CNTN5: variants seen among roughly 807,000 people sequenced by gnomAD.
The protein encoded by CNTN5 is contactin-5.
Under a neutral mutation model 129.1 loss-of-function variants are expected in CNTN5, and 77 were observed. That is an observed-to-expected ratio of 0.60 (90% CI 0.50 to 0.72). The LOEUF is 0.72. Among genes scored for constraint, CNTN5 ranks in the 30% least tolerant of loss-of-function variants. The probability of loss-of-function intolerance (pLI) is 0.00; values close to 1 mark genes in which losing one functional copy is unlikely to be tolerated. For synonymous variants in CNTN5, 509 were observed against 465.6 expected, an observed-to-expected ratio of 1.09 and a Z score of -1.20; for missense variants, 1,478 against 1,328.8, an observed-to-expected ratio of 1.11 and a Z score of -1.75.
intron 2 of CNTN5, among the ~76,000 whole-genome samples, chr11:99,399,254 G>A (rs1941680018): frequency 1.3e-5 from 2 of 151,450 alleles, no homozygotes; most frequent in East Asian, 1.9e-4. Context: ...ACTATCAAGA[G>A]CATTAAGGAT....
At chr11:99,913,002 G>C (rs553297513) in intron 6 of CNTN5, among the ~76,000 whole-genome samples, 1 of 152,012 alleles carries the variant, frequency 6.6e-6, no homozygotes, top group African/African-American at 2.4e-5. Context: ...TTGACCTTGT[G>C]TAATTGCAAT....
chr11:99,109,123 A>G (rs567102620), intron 1 of CNTN5, among the ~76,000 whole-genome samples: 5 of 151,684 alleles, frequency 3.3e-5, no homozygotes, highest in Non-Finnish European at 7.4e-5. Context: ...GTACATGTCT[A>G]TATGTATATA....
At chr11:100,352,870 C>T (rs1485715009) in intron 24 of CNTN5, among the ~76,000 whole-genome samples, 1 of 151,682 alleles carries the variant, frequency 6.6e-6, no homozygotes, top group Non-Finnish European at 1.5e-5. Flanking sequence ...ATACGACAAC[C>T]TTCCTCTTGC....
intron 2 of CNTN5, among the ~76,000 whole-genome samples, chr11:99,341,526 C>A (rs549089365): frequency 6.6e-6 from 1 of 152,196 alleles, no homozygotes; most frequent in African/African-American, 2.4e-5. Context: ...TGGAGCAAAC[C>A]TTCATTTTCT....
intron 13 of CNTN5, among the ~76,000 whole-genome samples, chr11:100,162,075 G>C (rs565962270): frequency 1.3e-5 from 2 of 151,726 alleles, no homozygotes; most frequent in Non-Finnish European, 2.9e-5. Context: ...ATAGGGAAGA[G>C]TCTGGGCTCA....
At chr11:99,394,781 G>T (rs1430473735) in intron 2 of CNTN5, among the ~76,000 whole-genome samples, 1 of 151,742 alleles carries the variant, frequency 6.6e-6, no homozygotes, top group African/African-American at 2.4e-5. Flanking sequence ...AGTTATAAGT[G>T]ATAACATGTG....
At chr11:100,260,969 T>C (rs1210138346) in intron 17 of CNTN5, among the ~76,000 whole-genome samples, 3 of 152,060 alleles carry the variant, frequency 2.0e-5, no homozygotes, top group Non-Finnish European at 4.4e-5. Context: ...GAGAAAGAAA[T>C]AAATGGTATT....
chr11:99,544,274 C>T (rs943063193), intron 2 of CNTN5, among the ~76,000 whole-genome samples: 4 of 152,152 alleles, frequency 2.6e-5, no homozygotes, highest in African/African-American at 9.7e-5. Flanking sequence ...ATCCAATCAC[C>T]TCCCACTAGG....
intron 3 of CNTN5, among the ~76,000 whole-genome samples, chr11:99,714,633 G>T (rs905735870): frequency 6.6e-6 from 1 of 151,740 alleles, no homozygotes. Context: ...CATTTTTAAA[G>T]ACAAAGAAAT....
intron 2 of CNTN5, among the ~76,000 whole-genome samples, chr11:99,487,092 C>G (rs188101120): frequency 2.0e-5 from 3 of 152,104 alleles, no homozygotes; most frequent in African/African-American, 7.2e-5. Context: ...GAGAGAAGGT[C>G]GAGAAAGTAC....
chr11:99,817,596 GT>G (rs372057505), intron 3 of CNTN5, among the ~76,000 whole-genome samples: 5,935 of 99,566 alleles, frequency 0.06, 82 homozygotes, highest in African/African-American at 0.096. Flanking sequence ...GTCTGGGATA[GT>G]TTTTTTTTTT....
intron 2 of CNTN5, among the ~76,000 whole-genome samples, chr11:99,334,705 A>G (rs1866147044): frequency 6.6e-6 from 1 of 152,072 alleles, no homozygotes; most frequent in Admixed American, 6.6e-5. Flanking sequence ...AATAAAGTAC[A>G]ACACAAGTTT....
chr11:100,180,556 T>C (rs937788546), intron 13 of CNTN5, among the ~76,000 whole-genome samples: 15 of 151,904 alleles, frequency 9.9e-5, no homozygotes, highest in African/African-American at 3.4e-4. Flanking sequence ...CATAATGAAC[T>C]AAGGTTAAAC....
At chr11:99,822,184 A>G (rs937664641) in intron 4 of CNTN5, among the ~76,000 whole-genome samples, 1 of 152,188 alleles carries the variant, frequency 6.6e-6, no homozygotes, top group East Asian at 1.9e-4. Flanking sequence ...AGTACCCCAG[A>G]CAGAGCAAAG....
At chr11:100,199,433 G>A (rs1047210970) in intron 15 of CNTN5, among the ~76,000 whole-genome samples, 3 of 151,608 alleles carry the variant, frequency 2.0e-5, no homozygotes, top group Admixed American at 6.6e-5. Flanking sequence ...CCTCCTGACC[G>A]CCACATATTT....
At chr11:99,863,245 C>T (rs79575079) in intron 6 of CNTN5, among the ~76,000 whole-genome samples, 142 of 152,096 alleles carry the variant, frequency 9.3e-4, no homozygotes, top group African/African-American at 3.2e-3. Context: ...AAAGCAGATG[C>T]TTTTCTCTCC....
chr11:99,477,682 G>T (rs536680032), intron 2 of CNTN5, among the ~76,000 whole-genome samples: 5 of 151,828 alleles, frequency 3.3e-5, no homozygotes, highest in Admixed American at 1.3e-4. Context: ...GGGTGCAGTG[G>T]CTCACACCTG....
chr11:100,099,303 G>A (rs949594749), intron 13 of CNTN5, among the ~76,000 whole-genome samples: 8 of 139,124 alleles, frequency 5.8e-5, no homozygotes, highest in African/African-American at 2.0e-4. Context: ...CCACATTTCA[G>A]GCAAACTGGG....
At chr11:99,387,602 A>G (rs1429990550) in intron 2 of CNTN5, among the ~76,000 whole-genome samples, 3 of 152,108 alleles carry the variant, frequency 2.0e-5, no homozygotes, top group Non-Finnish European at 2.9e-5. Context: ...TGAAATGTCC[A>G]TCCACTCAGT....
Sources: gnomAD v4.1 joint callset for allele counts (sites outside exome capture counted in the v4.1 genomes callset) on GRCh38, gnomAD v4.1.1 for gene constraint, MANE v1.5 for transcripts, NCBI Gene and HGNC (gene_info 2026-07-23, HGNC 2026-07-21) for gene names.